The following FRMD6 variants were observed in gnomAD, a reference collection of about 807,000 sequenced individuals.
FRMD6 encodes FERM domain-containing protein 6.
A neutral mutation model predicts 73.2 loss-of-function variants in FRMD6; 37 were observed. The ratio of observed to expected loss-of-function variants is 0.51; its 90% confidence interval spans 0.39 to 0.66. The LOEUF is 0.66. Among genes scored for constraint, FRMD6 ranks in the 30% least tolerant of loss-of-function variants. The probability of loss-of-function intolerance (pLI) is 0.00; values close to 1 mark genes in which losing one functional copy is unlikely to be tolerated. For synonymous variants in FRMD6, 273 were observed against 282.2 expected (o/e 0.97, Z 0.33); for missense variants, 714 against 780.5 (o/e 0.91, Z 1.02).
chr14:51,553,363 C>T (rs1300850711), intron 1 of FRMD6, among the ~76,000 whole-genome samples: 3 of 152,198 alleles, frequency 2.0e-5, no homozygotes, highest in Non-Finnish European at 4.4e-5. Flanking sequence ...CAGAGTACAT[C>T]AAAACACAAG....
chr14:51,694,092 G>A (rs958503777), intron 2 of FRMD6, among the ~76,000 whole-genome samples: 3 of 152,160 alleles, frequency 2.0e-5, no homozygotes, highest in Non-Finnish European at 4.4e-5. Flanking sequence ...TTGATAGAAT[G>A]TTGCCTTTTT....
At chr14:51,402,929 C>T in the FRMD6 span, among the ~76,000 whole-genome samples, 341 of 152,036 alleles carry the variant, frequency 2.2e-3, no homozygotes, top group Non-Finnish European at 3.9e-3. Context: ...TGAGCCACCG[C>T]GCCCAGCTAG....
At chr14:51,530,215 G>C (rs1596545283) in intron 1 of FRMD6, among the ~76,000 whole-genome samples, 1 of 152,150 alleles carries the variant, frequency 6.6e-6, no homozygotes, top group African/African-American at 2.4e-5. Context: ...GATTCTGTCT[G>C]TATGGTGGAC....
Position 51,702,576 on chromosome 14 carries a change from G to A in FRMD6, c.359G>A (p.Gly120Asp). 6.2e-7 allele frequency: 1 copy of A among 1,611,606 alleles called. No individual in the cohort carries two copies. The highest frequency in any genetic ancestry group is 8.5e-7 in the Non-Finnish European group (1 of 1,178,298). Residue 120 changes from glycine to aspartate, a missense_variant, in exon 5 of 14, where the codon GGC (glycine) becomes GAC (aspartate). Physicochemically the swap from Gly to Asp is moderately conservative, Grantham distance 94. Transcript: ENST00000344768. ...HFRVQYYVEN[G>D]RLISDRAARY... ...CGTGTGCAGTACTATGTGGAAAATGGCAGATTGATCAGGTAAGAGGACAGG... is the reference window on the plus strand; with the variant it reads ...CGTGTGCAGTACTATGTGGAAAATGACAGATTGATCAGGTAAGAGGACAGG...
At chr14:51,482,191 C>T in the FRMD6 span, among the ~76,000 whole-genome samples, 2 of 152,270 alleles carry the variant, frequency 1.3e-5, 1 homozygote, top group South Asian at 4.1e-4. Context: ...CTGGCTTTAC[C>T]TGACTTTGGA....
At chr14:51,483,441 T>C in the FRMD6 span, among the ~76,000 whole-genome samples, 12 of 151,964 alleles carry the variant, frequency 7.9e-5, no homozygotes, top group African/African-American at 2.9e-4. Context: ...TTGAAGGGAG[T>C]CTTGCATGAA....
At chr14:51,505,669 C>A (rs910919644) in intron 1 of FRMD6, among the ~76,000 whole-genome samples, 1 of 152,146 alleles carries the variant, frequency 6.6e-6, no homozygotes, top group South Asian at 2.1e-4. Flanking sequence ...CCAATGGGCA[C>A]CTTAAATGCA....
At chr14:51,679,937 G>T (rs1377152275) in intron 1 of FRMD6, among the ~76,000 whole-genome samples, 1 of 152,186 alleles carries the variant, frequency 6.6e-6, no homozygotes, top group Non-Finnish European at 1.5e-5. Context: ...CGTGAGTATG[G>T]TGGTAGCAGA....
intron 2 of FRMD6, among the ~76,000 whole-genome samples, chr14:51,580,269 G>T (rs146731879): frequency 1.8e-3 from 270 of 152,264 alleles, no homozygotes; most frequent in African/African-American, 6.3e-3. Context: ...CTCTGGATGG[G>T]CAGTCCCAGC....
At chr14:51,674,021 T>C (rs1488331163) in intron 1 of FRMD6, among the ~76,000 whole-genome samples, 2 of 152,176 alleles carry the variant, frequency 1.3e-5, no homozygotes, top group Admixed American at 1.3e-4. Context: ...TTGGAGAAAA[T>C]AATTTCCAAA....
intron 2 of FRMD6, among the ~76,000 whole-genome samples, chr14:51,588,271 T>C (rs977360225): frequency 2.0e-5 from 3 of 152,184 alleles, no homozygotes; most frequent in African/African-American, 7.2e-5. Flanking sequence ...TTTTTTGGTT[T>C]TTTTAATTTT....
intron 1 of FRMD6, among the ~76,000 whole-genome samples, chr14:51,510,240 G>A (rs1048900215): frequency 1.3e-5 from 2 of 152,188 alleles, no homozygotes; most frequent in Admixed American, 6.5e-5. Flanking sequence ...CAGCAACTCT[G>A]TGAGAAAGCA....
chr14:51,670,170 G>A (rs936106194), intron 1 of FRMD6, among the ~76,000 whole-genome samples: 14 of 152,104 alleles, frequency 9.2e-5, no homozygotes, highest in African/African-American at 3.4e-4. Flanking sequence ...TGACCTCCTG[G>A]GCTCAAGCAG....
intron 2 of FRMD6, among the ~76,000 whole-genome samples, chr14:51,627,311 C>T (rs1297900335): frequency 6.6e-6 from 1 of 152,214 alleles, no homozygotes; most frequent in Admixed American, 6.5e-5. Flanking sequence ...ATAATCTCAA[C>T]TTCTTATGTA....
the FRMD6 span, among the ~76,000 whole-genome samples, chr14:51,414,215 T>C: frequency 6.6e-6 from 1 of 152,242 alleles, no homozygotes; most frequent in African/African-American, 2.4e-5. Context: ...GTTTTAGACA[T>C]GAAGTCCTTG....
At chr14:51,533,199 C>T (rs774705496) in intron 1 of FRMD6, among the ~76,000 whole-genome samples, 2 of 152,158 alleles carry the variant, frequency 1.3e-5, no homozygotes, top group South Asian at 4.1e-4. Context: ...AAGCCAAGAC[C>T]TACTTAGGTT....
the FRMD6 span, among the ~76,000 whole-genome samples, chr14:51,401,333 G>A: frequency 6.6e-6 from 1 of 152,164 alleles, no homozygotes; most frequent in East Asian, 1.9e-4. Context: ...GTTTTAGGAT[G>A]TGGCTAGGAA....
At chr14:51,547,525 A>G (rs1296476042) in intron 1 of FRMD6, among the ~76,000 whole-genome samples, 1 of 152,150 alleles carries the variant, frequency 6.6e-6, no homozygotes, top group Non-Finnish European at 1.5e-5. Flanking sequence ...TCTGTGATTC[A>G]TATCCTAGTC....
chr14:51,536,087 T>G (rs1250314708), intron 1 of FRMD6, among the ~76,000 whole-genome samples: 134 of 137,504 alleles, frequency 9.7e-4, no homozygotes, highest in South Asian at 4.9e-3. Flanking sequence ...TTTATATATA[T>G]ATATATATAT....
Sources: gnomAD v4.1 joint callset for allele counts (sites outside exome capture counted in the v4.1 genomes callset) on GRCh38, gnomAD v4.1.1 for gene constraint, MANE v1.5 for transcripts, NCBI Gene and HGNC (gene_info 2026-07-23, HGNC 2026-07-21) for gene names.